PLXNA4: variants seen among roughly 807,000 people sequenced by gnomAD.
PLXNA4 encodes plexin A4, also known as plexin-A4.
Under a neutral mutation model 191.8 loss-of-function variants are expected in PLXNA4, and 44 were observed. That is an observed-to-expected ratio of 0.23 (90% confidence interval 0.18 to 0.29). The LOEUF is 0.29. Ranked by LOEUF, PLXNA4 falls within the 10% of genes least tolerant of loss-of-function variation. PLXNA4 has a pLI of 1.00. For missense variants in PLXNA4, 1,800 were observed against 2,488.8 expected (o/e 0.72, Z 5.89); for synonymous variants, 1,082 against 1,009.5 (o/e 1.07, Z -1.36).
chr7:132,217,586 C>T (rs1427117767), intron 9 of PLXNA4, among the ~76,000 whole-genome samples: 1 of 152,162 alleles, frequency 6.6e-6, no homozygotes, highest in African/African-American at 2.4e-5. Context: ...CAAGCCAGCC[C>T]TAACCCCAAC....
chr7:132,331,568 G>A (rs1437076603), intron 3 of PLXNA4, among the ~76,000 whole-genome samples: 1 of 152,248 alleles, frequency 6.6e-6, no homozygotes, highest in Non-Finnish European at 1.5e-5. Context: ...GTTATAGGGA[G>A]TGGTCAGGAG....
intron 3 of PLXNA4, among the ~76,000 whole-genome samples, chr7:132,349,256 T>C (rs559114791): frequency 6.6e-6 from 1 of 152,248 alleles, no homozygotes; most frequent in Admixed American, 6.5e-5. Context: ...AGCCGTGCTA[T>C]GTATAGAAGC....
At chr7:132,264,841 G>A (rs983839248) in intron 4 of PLXNA4, among the ~76,000 whole-genome samples, 3 of 152,188 alleles carry the variant, frequency 2.0e-5, no homozygotes, top group Non-Finnish European at 4.4e-5. Flanking sequence ...GGGATTACAG[G>A]CGCCTGCCAC....
At chr7:132,604,027 A>T (rs1405299100) in intron 2 of PLXNA4, among the ~76,000 whole-genome samples, 1 of 152,134 alleles carries the variant, frequency 6.6e-6, no homozygotes, top group Admixed American at 6.5e-5. Context: ...CTAGCAGACT[A>T]TCCAATTGGG....
At chr7:132,464,153 A>G (rs1425497093) in intron 3 of PLXNA4, among the ~76,000 whole-genome samples, 2 of 152,228 alleles carry the variant, frequency 1.3e-5, no homozygotes, top group East Asian at 3.9e-4. Context: ...TAAAAATAGC[A>G]ATACACGTGG....
At chr7:132,172,099 G>T (rs1159134393) in intron 21 of PLXNA4, among the ~76,000 whole-genome samples, 1 of 152,080 alleles carries the variant, frequency 6.6e-6, no homozygotes, top group African/African-American at 2.4e-5. Flanking sequence ...TCTTGGTCAG[G>T]AGTGTCCAAA....
intron 4 of PLXNA4, among the ~76,000 whole-genome samples, chr7:132,253,013 T>C (rs1217255031): frequency 6.6e-6 from 1 of 152,214 alleles, no homozygotes. Flanking sequence ...TATACATATA[T>C]ATGCAAACCT....
At chr7:132,139,200 A>G (rs1795196986) in intron 30 of PLXNA4, among the ~76,000 whole-genome samples, 1 of 152,164 alleles carries the variant, frequency 6.6e-6, no homozygotes, top group South Asian at 2.1e-4. Context: ...GTAGGAAAGG[A>G]GGAGAGGGTA....
intron 3 of PLXNA4, among the ~76,000 whole-genome samples, chr7:132,336,458 T>G (rs1300525876): frequency 1.3e-5 from 2 of 152,208 alleles, no homozygotes; most frequent in African/African-American, 4.8e-5. Context: ...CATAACCTCT[T>G]CCTACTTGGT....
At chr7:132,335,525 G>T (rs984961536) in intron 3 of PLXNA4, among the ~76,000 whole-genome samples, 4 of 152,104 alleles carry the variant, frequency 2.6e-5, no homozygotes. Context: ...GGCTCCCTGG[G>T]CCAAAATAGA....
chr7:132,627,858 T>A (rs1249374075), intron 2 of PLXNA4, among the ~76,000 whole-genome samples: 1 of 152,236 alleles, frequency 6.6e-6, no homozygotes, highest in Non-Finnish European at 1.5e-5. Flanking sequence ...CTGTTCTTTA[T>A]AAATAACCCA....
intron 3 of PLXNA4, among the ~76,000 whole-genome samples, chr7:132,382,699 C>T (rs904162214): frequency 1.2e-4 from 18 of 152,162 alleles, no homozygotes; most frequent in African/African-American, 3.4e-4. Flanking sequence ...AGCAATGATA[C>T]GCTGCCCTTT....
At chr7:132,169,181 C>G (rs1010361241) in intron 21 of PLXNA4, among the ~76,000 whole-genome samples, 4 of 152,236 alleles carry the variant, frequency 2.6e-5, no homozygotes, top group African/African-American at 9.6e-5. Flanking sequence ...CCAAGAGTCT[C>G]TAAAGAACTT....
chr7:132,234,262 C>T (rs980238547), intron 5 of PLXNA4, among the ~76,000 whole-genome samples: 1 of 152,218 alleles, frequency 6.6e-6, no homozygotes, highest in African/African-American at 2.4e-5. Flanking sequence ...TTACACTATA[C>T]TTTATCCAAC....
At chr7:132,246,534 A>G (rs966600107) in intron 4 of PLXNA4, among the ~76,000 whole-genome samples, 4 of 152,116 alleles carry the variant, frequency 2.6e-5, no homozygotes, top group Non-Finnish European at 4.4e-5. Flanking sequence ...GATTTTAGAA[A>G]ATCCTCCTGC....
intron 2 of PLXNA4, among the ~76,000 whole-genome samples, chr7:132,606,037 G>A (rs372124544): frequency 1.3e-5 from 2 of 152,170 alleles, no homozygotes; most frequent in African/African-American, 2.4e-5. Flanking sequence ...AATGGCACAC[G>A]CCTGTAACCT....
chr7:132,522,682 A>G (rs1799238958), intron 1 of PLXNA4, among the ~76,000 whole-genome samples: 1 of 152,192 alleles, frequency 6.6e-6, no homozygotes, highest in Non-Finnish European at 1.5e-5. Flanking sequence ...TAAGGCAGGA[A>G]GATCACTTGT....
chr7:132,448,842 G>A (rs1341541843), intron 3 of PLXNA4, among the ~76,000 whole-genome samples: 1 of 152,168 alleles, frequency 6.6e-6, no homozygotes, highest in Non-Finnish European at 1.5e-5. Flanking sequence ...CCCAGTTCTA[G>A]TTGTCTCTAG....
intron 1 of PLXNA4, among the ~76,000 whole-genome samples, chr7:132,517,135 G>A (rs1798973701): frequency 6.6e-6 from 1 of 152,150 alleles, no homozygotes; most frequent in African/African-American, 2.4e-5. Flanking sequence ...TTGTGCAGGT[G>A]GATTGGGAAG....
Sources: allele counts gnomAD v4.1 joint callset (sites outside exome capture counted in the v4.1 genomes callset), GRCh38; gene constraint gnomAD v4.1.1; transcripts MANE v1.5; gene names NCBI Gene and HGNC (gene_info 2026-07-23, HGNC 2026-07-21).